The following GNB1L variants were observed in gnomAD, a reference collection of about 807,000 sequenced individuals.
GNB1L encodes the protein guanine nucleotide-binding protein subunit beta-like protein 1.
GNB1L carries 20 observed loss-of-function variants against 29.1 expected under a neutral mutation model. The ratio of observed to expected loss-of-function variants is 0.69; its 90% CI spans 0.48 to 1.00. The LOEUF is 1.00. Ranked by LOEUF, GNB1L falls within the 50% of genes least tolerant of loss-of-function variation. GNB1L has a pLI of 0.00. For synonymous variants in GNB1L, 193 were observed against 206.5 expected (o/e 0.93, Z 0.56); for missense variants, 421 against 464.9 (o/e 0.91, Z 0.87).
chr22:19,831,563 T>G (rs1175147449), intron 2 of GNB1L, among the ~76,000 whole-genome samples: 1 of 151,332 alleles, frequency 6.6e-6, no homozygotes, highest in Non-Finnish European at 1.5e-5. Context: ...TGGTGGCAGG[T>G]GCCTGTAGTC....
intron 2 of GNB1L, among the ~76,000 whole-genome samples, chr22:19,826,992 C>T (rs1434967011): frequency 6.6e-6 from 1 of 151,970 alleles, no homozygotes; most frequent in Non-Finnish European, 1.5e-5. Context: ...ATTAAGAGAC[C>T]AAAGGGGCAT....
At chr22:19,824,197 CTAAT>C (rs1379410258) in intron 2 of GNB1L, among the ~76,000 whole-genome samples, 2 of 152,224 alleles carry the variant, frequency 1.3e-5, no homozygotes, top group African/African-American at 4.8e-5. Flanking sequence ...TATTTGAAAA[CTAAT>C]TAATTCTAGC....
At chr22:19,847,803 G>GC (rs1937996672) in intron 2 of GNB1L, 1 of 439,106 alleles carries the variant, frequency 2.3e-6, no homozygotes, top group Non-Finnish European at 2.7e-6. Context: ...GGAATCATAG[G>GC]CAAAAAAAAA....
At chr22:19,839,634 T>C (rs1937823418) in intron 2 of GNB1L, among the ~76,000 whole-genome samples, 1 of 151,784 alleles carries the variant, frequency 6.6e-6, no homozygotes, top group African/African-American at 2.4e-5. Flanking sequence ...ATCCCAGCAC[T>C]TTGGGAGGCT....
chr22:19,842,721 T>C (rs1215734660), intron 2 of GNB1L, among the ~76,000 whole-genome samples: 1 of 152,140 alleles, frequency 6.6e-6, no homozygotes, highest in Non-Finnish European at 1.5e-5. Flanking sequence ...CCAGAAACCC[T>C]CCCTGGGCAA....
At chr22:19,825,384 C>T (rs57722555) in intron 2 of GNB1L, among the ~76,000 whole-genome samples, 2,248 of 152,248 alleles carry the variant, frequency 0.015, 43 homozygotes, top group African/African-American at 0.042. Context: ...CTTTGGGAGG[C>T]CGAGGTGGGA....
rs776306803 is a variant in GNB1L at position 19,802,141 on chromosome 22, G to T, written c.592C>A (p.Gln198Lys). The T allele has an allele frequency of 6.2e-7, 1 of 1,613,282 alleles. No individual in the cohort carries two copies. ...CAGGCGATGCGGCTGCACACCTTCT[G>T]CTCAGAGACGTCCCACAGGACCACC... Reference protein sequence around the residue: ...GSVVLWDVSEQKVCSRIACHE... With the variant: ...GSVVLWDVSEKKVCSRIACHE... Residue 198 changes from glutamine (Q) to lysine (K), a missense_variant, in exon 7 of 8, where the codon CAG (glutamine) becomes AAG (lysine). Gln to Lys is a moderately conservative substitution (Grantham distance 53, BLOSUM62 1). Transcript: ENST00000329517.
At chr22:19,827,340 C>T (rs766049394) in intron 2 of GNB1L, among the ~76,000 whole-genome samples, 25 of 152,088 alleles carry the variant, frequency 1.6e-4, no homozygotes, top group Non-Finnish European at 3.4e-4. Flanking sequence ...TGGCAAAATG[C>T]TAACAACTGG....
rs1009120028 is a variant in GNB1L, at chr22:19,850,991, G to A, written c.-21+3452C>T. The stretch of plus-strand genomic sequence containing the variant: ...ACAGGGCGGAGGTCAAGCTCTGCTG[G>A]AGTTGGGGGAGCTGGTTCTGCTCAG... On this transcript the variant is annotated intron_variant, in intron 2 of 7. Coordinates refer to ENST00000329517, the MANE Select transcript of GNB1L (RefSeq NM_053004.3). 4 of 1,416,016 alleles carry A rather than the reference G, an allele frequency of 2.8e-6. No individual in the cohort carries two copies. The African/African-American group carries it at 5.8e-5, about 20-fold the overall frequency. The allele number at this position is 1,416,016 out of a possible 1,614,324, so 87.7% of individuals were successfully genotyped here.
At chr22:19,840,745 G>A (rs1183774790) in intron 2 of GNB1L, among the ~76,000 whole-genome samples, 1 of 151,968 alleles carries the variant, frequency 6.6e-6, no homozygotes, top group Admixed American at 6.6e-5. Context: ...GACAGGCAGA[G>A]ATTGCAGTGA....
chr22:19,806,334 G>A (rs1457309669), intron 6 of GNB1L, among the ~76,000 whole-genome samples: 2 of 152,246 alleles, frequency 1.3e-5, no homozygotes, highest in East Asian at 1.9e-4. Context: ...CTGAGGCGCT[G>A]GCAGACCCCA....
At position 19,783,271 on chromosome 22, in the gene GNB1L, T is replaced by G. The variant is rs1209405247; in HGVS notation, c.*5438A>C. On this transcript the variant is annotated 3_prime_UTR_variant, in exon 8 of 8. Coordinates refer to ENST00000329517, the MANE Select transcript of GNB1L (RefSeq NM_053004.3). ...GTAGCAAGAGATAATGGCACCAGGA[T>G]GAGGCCAAATGACTCGATTTCTCTA... 5 of 501,782 alleles carry G rather than the reference T, an allele frequency of 1.0e-5. No homozygotes were observed. The highest frequency in any genetic ancestry group is 1.8e-5 in the Non-Finnish European group (5 of 274,052). 31.1% of individuals were successfully genotyped at this position (501,782 alleles called of 1,614,324 possible).
intron 2 of GNB1L, chr22:19,852,231 G>A (rs1182182426): frequency 6.2e-7 from 1 of 1,611,662 alleles, no homozygotes; most frequent in Non-Finnish European, 8.5e-7. Flanking sequence ...GGAATGCGAG[G>A]GCCCTGCTGA....
intron 6 of GNB1L, among the ~76,000 whole-genome samples, chr22:19,804,415 C>T (rs1018854881): frequency 1.3e-5 from 2 of 152,186 alleles, no homozygotes; most frequent in Non-Finnish European, 2.9e-5. Context: ...CTGGAGTGGC[C>T]CCTGCCCTGA....
At chr22:19,821,119 A>T in intron 3 of GNB1L, 109 bp downstream of exon 3, 1 of 1,094,234 alleles carries the variant, frequency 9.1e-7, no homozygotes, top group Non-Finnish European at 1.3e-6. Context: ...GGTGGCGAGC[A>T]GTCCATGCCC....
At chr22:19,792,102 G>A (rs1884496756) in intron 7 of GNB1L, among the ~76,000 whole-genome samples, 1 of 152,186 alleles carries the variant, frequency 6.6e-6, no homozygotes, top group Non-Finnish European at 1.5e-5. Context: ...CATTTACCAT[G>A]TCTGGCACAC....
Position 19,829,907 on chromosome 22 carries a change from A to C in GNB1L, c.-20-8532T>G, listed in dbSNP as rs191921400. On this transcript the variant is annotated intron_variant, in intron 2 of 7. Coordinates refer to ENST00000329517, the MANE Select transcript of GNB1L (RefSeq NM_053004.3). ...ATCCAACATATTATTTTATGAAGAA[A>C]TATTGGGGACATTCCCACTAAGATC... 1.5e-3 allele frequency among the ~76,000 whole-genome samples: 234 copies of C among 152,336 alleles called. 2 individuals carry two copies. In the Middle Eastern group the frequency reaches 0.054, roughly 35 times the overall value.
intron 4 of GNB1L, among the ~76,000 whole-genome samples, chr22:19,819,906 C>A (rs770089379): frequency 1.3e-5 from 2 of 152,154 alleles, no homozygotes; most frequent in African/African-American, 4.8e-5. Flanking sequence ...CAGCACTATA[C>A]ACCCAAGCCC....
At chr22:19,820,203 C>T (rs1425066141) in intron 4 of GNB1L, among the ~76,000 whole-genome samples, 1 of 152,176 alleles carries the variant, frequency 6.6e-6, no homozygotes, top group Non-Finnish European at 1.5e-5. Context: ...TGTACTTCAT[C>T]CCATTCCCCT....
Sources: gnomAD v4.1 joint callset for allele counts (sites outside exome capture counted in the v4.1 genomes callset) on GRCh38, gnomAD v4.1.1 for gene constraint, MANE v1.5 for transcripts, NCBI Gene and HGNC (gene_info 2026-07-23, HGNC 2026-07-21) for gene names.